PSMD14: variants seen among roughly 807,000 people sequenced by gnomAD.
PSMD14 encodes ubiquitin C-terminal hydrolase PSMD14.
Under a neutral mutation model 41.2 loss-of-function variants are expected in PSMD14, and 7 were observed. That is an observed-to-expected ratio of 0.17 (90% CI 0.10 to 0.32). The LOEUF (loss-of-function observed/expected upper bound fraction) is 0.32. Among genes scored for constraint, PSMD14 ranks in the 10% least tolerant of loss-of-function variants. The pLI, the probability that PSMD14 is intolerant of heterozygous loss-of-function variation, is 1.00. For missense variants in PSMD14, 139 were observed against 375.6 expected (o/e 0.37, Z 5.21); for synonymous variants, 114 against 122.3 (o/e 0.93, Z 0.45).
Position 161,385,588 on chromosome 2 carries a change from A to G in PSMD14, c.570+17A>G. ...TCTATCCAGGTATTGCCTATATTTG[A>G]TAATGTGTTAAAACTCTTTTAAATT... On this transcript the variant is annotated intron_variant, in intron 8 of 11. Coordinates refer to ENST00000409682, the MANE Select transcript of PSMD14 (RefSeq NM_005805.6). The G allele has an allele frequency of 6.7e-7, 1 of 1,486,842 alleles. No homozygotes were observed. Among genetic ancestry groups the G allele is most frequent in the Admixed American group, 1.7e-5 (1 of 58,898 alleles). The allele number at this position is 1,486,842 out of a possible 1,614,324, so 92.1% of individuals were successfully genotyped here. A position where few individuals can be genotyped will look rare whatever the true frequency, so the allele number is the denominator to read the frequency against.
intron 10 of PSMD14, among the ~76,000 whole-genome samples, chr2:161,402,790 C>T (rs1042552606): frequency 6.6e-6 from 1 of 151,940 alleles, no homozygotes; most frequent in African/African-American, 2.4e-5. Flanking sequence ...ATAGAAATTT[C>T]CCAGAGAAGA....
intron 5 of PSMD14, among the ~76,000 whole-genome samples, chr2:161,368,992 A>G (rs1430664133): frequency 6.6e-6 from 1 of 151,958 alleles, no homozygotes; most frequent in Non-Finnish European, 1.5e-5. Flanking sequence ...TATCCATTAT[A>G]TTTATTTTAT....
At chr2:161,360,827 C>A (rs574710793) in intron 3 of PSMD14, among the ~76,000 whole-genome samples, 1 of 152,182 alleles carries the variant, frequency 6.6e-6, no homozygotes, top group Non-Finnish European at 1.5e-5. Flanking sequence ...TGAGCCACCA[C>A]GCCTGGCCTT....
chr2:161,327,958 G>GTGTGTGTGTGTGTA (rs1243086539), intron 3 of PSMD14, among the ~76,000 whole-genome samples: 1 of 149,894 alleles, frequency 6.7e-6, no homozygotes. Context: ...GTGTGTGTGT[G>GTGTGTGTGTGTGTA]TGTGTGTGTG....
At chr2:161,365,837 A>G (rs762857155) in intron 3 of PSMD14, among the ~76,000 whole-genome samples, 7 of 152,136 alleles carry the variant, frequency 4.6e-5, no homozygotes, top group Non-Finnish European at 8.8e-5. Flanking sequence ...TTTGAAATAT[A>G]CATTATTATT....
At chr2:161,375,810 T>A (rs1683495127) in intron 7 of PSMD14, among the ~76,000 whole-genome samples, 1 of 151,852 alleles carries the variant, frequency 6.6e-6, no homozygotes, top group South Asian at 2.1e-4. Context: ...AGTGAGTGGA[T>A]CGCTAGAGCC....
chr2:161,336,870 C>A (rs1008383078), intron 3 of PSMD14, among the ~76,000 whole-genome samples: 21 of 152,206 alleles, frequency 1.4e-4, no homozygotes, highest in Admixed American at 4.6e-4. Flanking sequence ...CCACCGTGCT[C>A]AGCCTATGTG....
chr2:161,350,313 A>G (rs1276489924), intron 3 of PSMD14, among the ~76,000 whole-genome samples: 1 of 152,254 alleles, frequency 6.6e-6, no homozygotes, highest in African/African-American at 2.4e-5. Flanking sequence ...TGTACTTAGT[A>G]AAAATACTTA....
intron 7 of PSMD14, among the ~76,000 whole-genome samples, chr2:161,381,127 A>C (rs1298561224): frequency 2.6e-5 from 4 of 151,458 alleles, no homozygotes; most frequent in South Asian, 2.1e-4. Context: ...TTAGTGTTTG[A>C]CATTGATTTT....
rs759045857 is a variant in PSMD14, at chr2:161,367,780, A to G, written c.121-4A>G. 1.2e-5 allele frequency: 20 copies of G among 1,612,840 alleles called. No individual in the cohort carries two copies. In the South Asian group the frequency reaches 1.9e-4, roughly 15 times the overall value. ...TTTGTGTCCACATCTCTTCCTTTCT[A>G]CAGATGTTAAAACATGGCCGTGCTG... On this transcript the variant is annotated splice_polypyrimidine_tract_variant and splice_region_variant and intron_variant, in intron 4 of 11. Transcript: ENST00000409682.
intron 7 of PSMD14, among the ~76,000 whole-genome samples, chr2:161,378,749 G>A (rs1683536071): frequency 6.6e-6 from 1 of 151,862 alleles, no homozygotes; most frequent in Non-Finnish European, 1.5e-5. Context: ...TACTGGTTGT[G>A]TCATTTCATT....
At chr2:161,343,316 A>G (rs1241311494) in intron 3 of PSMD14, among the ~76,000 whole-genome samples, 1 of 152,202 alleles carries the variant, frequency 6.6e-6, no homozygotes, top group Non-Finnish European at 1.5e-5. Context: ...GGAATCATTC[A>G]ATATTTGTCA....
At chr2:161,382,539 T>C (rs187918956) in intron 7 of PSMD14, 7 of 151,910 alleles carry the variant, frequency 4.6e-5, no homozygotes, top group African/African-American at 1.7e-4. Context: ...CTGTCTACTG[T>C]TGCAGTGACC....
chr2:161,330,673 T>C lies in PSMD14; in HGVS notation c.48+11800T>C, dbSNP rs72996996. On this transcript the variant is annotated intron_variant, in intron 3 of 11. Transcript: ENST00000409682. ...GTCTGGGTTGAGTGCCCTGAAAGTA[T>C]GCCACCAGAGCAGGGCAGTGGTCTC... Among the ~76,000 whole-genome samples, 562 of 152,312 alleles carry C rather than the reference T, an allele frequency of 3.7e-3. 3 individuals carry two copies. Among genetic ancestry groups the C allele is most frequent in the African/African-American group, 0.013 (535 of 41,576 alleles).
intron 7 of PSMD14, among the ~76,000 whole-genome samples, chr2:161,380,872 A>G (rs1683562586): frequency 6.6e-6 from 1 of 152,020 alleles, no homozygotes; most frequent in South Asian, 2.1e-4. Flanking sequence ...CGAAATGGTC[A>G]CAAACCCCAG....
chr2:161,362,181 C>T (rs1225322025), intron 3 of PSMD14, among the ~76,000 whole-genome samples: 1 of 152,176 alleles, frequency 6.6e-6, no homozygotes, highest in African/African-American at 2.4e-5. Context: ...TCTTCCCACT[C>T]AGCGTCCTGA....
intron 10 of PSMD14, among the ~76,000 whole-genome samples, chr2:161,400,588 G>C (rs1416767682): frequency 6.6e-6 from 1 of 152,040 alleles, no homozygotes; most frequent in African/African-American, 2.4e-5. Context: ...AGGTCTCACT[G>C]TGTCACTCAG....
chr2:161,400,155 G>A (rs1213653234), intron 10 of PSMD14, among the ~76,000 whole-genome samples: 2 of 152,170 alleles, frequency 1.3e-5, no homozygotes, highest in East Asian at 3.8e-4. Context: ...CTTAAACAAG[G>A]TAGAAAGGTA....
chr2:161,350,205 A>G (rs1683099388), intron 3 of PSMD14, among the ~76,000 whole-genome samples: 1 of 152,248 alleles, frequency 6.6e-6, no homozygotes, highest in Admixed American at 6.5e-5. Context: ...GGGTTGCCAG[A>G]TTTGGCAAAT....
Sources: gnomAD v4.1 joint callset for allele counts (sites outside exome capture counted in the v4.1 genomes callset) on GRCh38, gnomAD v4.1.1 for gene constraint, MANE v1.5 for transcripts, NCBI Gene and HGNC (gene_info 2026-07-23, HGNC 2026-07-21) for gene names.